The following MICU1 variants were observed in gnomAD, a reference collection of about 807,000 sequenced individuals.
MICU1 encodes the protein mitochondrial calcium uptake 1, also known as calcium uptake protein 1, mitochondrial.
MICU1 carries 45 observed loss-of-function variants against 56.8 expected under a neutral mutation model. The observed-to-expected ratio is 0.79, with a 90% confidence interval of 0.62 to 1.02. The LOEUF is 1.02. Among genes scored for constraint, MICU1 ranks in the 50% least tolerant of loss-of-function variants. MICU1 has a pLI of 0.00. For synonymous variants in MICU1, 186 were observed against 195.1 expected (o/e 0.95, Z 0.39); for missense variants, 504 against 587.1 (o/e 0.86, Z 1.46).
intron 9 of MICU1, among the ~76,000 whole-genome samples, chr10:72,415,468 A>G (rs1863954994): frequency 6.6e-6 from 1 of 152,172 alleles, no homozygotes; most frequent in South Asian, 2.1e-4. Context: ...CTAATAAAGC[A>G]TCTTCCTATT....
chr10:72,429,514 T>C (rs769805722), intron 8 of MICU1, among the ~76,000 whole-genome samples: 8 of 152,150 alleles, frequency 5.3e-5, no homozygotes, highest in Non-Finnish European at 1.2e-4. Context: ...TTAAACTACT[T>C]AGAGTTTCTT....
intron 5 of MICU1, among the ~76,000 whole-genome samples, chr10:72,529,015 T>C (rs964134881): frequency 6.6e-6 from 1 of 152,214 alleles, no homozygotes; most frequent in Non-Finnish European, 1.5e-5. Context: ...CTAATCATAT[T>C]GTCTGTTATA....
At chr10:72,561,931 A>G (rs1840306558) in intron 3 of MICU1, among the ~76,000 whole-genome samples, 1 of 152,216 alleles carries the variant, frequency 6.6e-6, no homozygotes, top group Non-Finnish European at 1.5e-5. Context: ...AACTCAAATT[A>G]TCTTGTTGCA....
At chr10:72,481,485 C>A (rs918915799) in intron 6 of MICU1, among the ~76,000 whole-genome samples, 31 of 152,130 alleles carry the variant, frequency 2.0e-4, no homozygotes, top group African/African-American at 7.2e-4. Context: ...GATCTTGGCT[C>A]ACTGCAGCCT....
intron 8 of MICU1, among the ~76,000 whole-genome samples, chr10:72,427,432 A>G (rs1354977423): frequency 1.3e-5 from 2 of 152,212 alleles, no homozygotes; most frequent in African/African-American, 2.4e-5. Flanking sequence ...ATAGAAGCAC[A>G]GTAAAAGGAA....
intron 8 of MICU1, among the ~76,000 whole-genome samples, chr10:72,450,668 C>G (rs1214756821): frequency 6.6e-6 from 1 of 151,898 alleles, no homozygotes; most frequent in Non-Finnish European, 1.5e-5. Context: ...CTTGCTGGTG[C>G]TAGCAGAATA....
chr10:72,574,604 T>C (rs1840695549), intron 1 of MICU1, among the ~76,000 whole-genome samples: 1 of 151,972 alleles, frequency 6.6e-6, no homozygotes, highest in Non-Finnish European at 1.5e-5. Flanking sequence ...ATTATGCAGG[T>C]TTTTGTGTGG....
chr10:72,562,791 GA>G, intron 3 of MICU1, 103 bp downstream of exon 3: 1 of 1,002,152 alleles, frequency 1.0e-6, no homozygotes, highest in South Asian at 2.9e-5. Flanking sequence ...GTGATAACTT[GA>G]AAGTGAAGAT....
At chr10:72,426,845 T>C (rs544796243) in intron 8 of MICU1, among the ~76,000 whole-genome samples, 2 of 152,346 alleles carry the variant, frequency 1.3e-5, no homozygotes, top group African/African-American at 4.8e-5. Flanking sequence ...TGGAGTGCCA[T>C]ATACATGTAA....
chr10:72,487,024 G>A (rs146694281), intron 6 of MICU1, among the ~76,000 whole-genome samples: 107 of 152,270 alleles, frequency 7.0e-4, no homozygotes, highest in African/African-American at 2.5e-3. Flanking sequence ...TTAAATTTAT[G>A]GTGAAGCTTG....
chr10:72,494,014 C>T (rs947949755), intron 6 of MICU1, among the ~76,000 whole-genome samples: 1 of 152,048 alleles, frequency 6.6e-6, no homozygotes, highest in Non-Finnish European at 1.5e-5. Context: ...GGTAGTGAAA[C>T]GAGAGGAGGA....
intron 10 of MICU1, among the ~76,000 whole-genome samples, chr10:72,407,728 G>A (rs1164828381): frequency 6.6e-6 from 1 of 152,072 alleles, no homozygotes; most frequent in African/African-American, 2.4e-5. Flanking sequence ...CCCAGACTAC[G>A]GCCTTAGCAC....
chr10:72,444,738 C>G (rs775798958), intron 8 of MICU1, among the ~76,000 whole-genome samples: 4 of 152,230 alleles, frequency 2.6e-5, no homozygotes, highest in Non-Finnish European at 5.9e-5. Flanking sequence ...CGTGAGCCAC[C>G]ATGCCCAGCA....
At chr10:72,479,248 C>T (rs563268480) in intron 6 of MICU1, among the ~76,000 whole-genome samples, 7 of 152,190 alleles carry the variant, frequency 4.6e-5, no homozygotes, top group African/African-American at 1.7e-4. Flanking sequence ...CCAAAGCCTA[C>T]AAACTTTCCT....
chr10:72,428,187 G>A (rs1864411856), intron 8 of MICU1, among the ~76,000 whole-genome samples: 1 of 152,158 alleles, frequency 6.6e-6, no homozygotes, highest in South Asian at 2.1e-4. Flanking sequence ...TCACAATCTG[G>A]AACAGAGGCA....
intron 3 of MICU1, among the ~76,000 whole-genome samples, chr10:72,554,251 CATTT>C (rs1405297483): frequency 6.6e-6 from 1 of 152,104 alleles, no homozygotes; most frequent in Admixed American, 6.6e-5. Flanking sequence ...ATTAGAATAT[CATTT>C]TGCAACTTCA....
chr10:72,592,155 ACC>A (rs1478673994), intron 1 of MICU1, among the ~76,000 whole-genome samples: 1 of 151,410 alleles, frequency 6.6e-6, no homozygotes, highest in Non-Finnish European at 1.5e-5. Flanking sequence ...GATTACAGGC[ACC>A]TGCCATCATG....
intron 1 of MICU1, among the ~76,000 whole-genome samples, chr10:72,583,919 G>A (rs1687507299): frequency 6.6e-6 from 1 of 152,182 alleles, no homozygotes; most frequent in African/African-American, 2.4e-5. Context: ...TCACACTTCA[G>A]CTAAGCCTGT....
chr10:72,444,787 C>CTGGGG, intron 8 of MICU1, among the ~76,000 whole-genome samples: 1 of 152,232 alleles, frequency 6.6e-6, no homozygotes, highest in East Asian at 1.9e-4. Flanking sequence ...GCACACAGAG[C>CTGGGG]TGGGGTACAC....
Sources: gnomAD v4.1 joint callset for allele counts (sites outside exome capture counted in the v4.1 genomes callset) on GRCh38, gnomAD v4.1.1 for gene constraint, MANE v1.5 for transcripts, NCBI Gene and HGNC (gene_info 2026-07-23, HGNC 2026-07-21) for gene names.